EPHA7: variants seen among roughly 807,000 people sequenced by gnomAD.
The protein encoded by EPHA7 is ephrin type-A receptor 7.
EPHA7 carries 25 observed loss-of-function variants against 112.6 expected under a neutral mutation model. The ratio of observed to expected loss-of-function variants is 0.22; its 90% CI spans 0.16 to 0.31. The LOEUF is 0.31. Ranked by LOEUF, EPHA7 falls within the 10% of genes least tolerant of loss-of-function variation. EPHA7 has a pLI of 1.00. For synonymous variants in EPHA7, 437 were observed against 406.5 expected (o/e 1.07, Z -0.90); for missense variants, 962 against 1,212.6 (o/e 0.79, Z 3.07).
At chr6:93,352,567 A>C (rs1775746417) in intron 5 of EPHA7, among the ~76,000 whole-genome samples, 1 of 152,084 alleles carries the variant, frequency 6.6e-6, no homozygotes, top group Non-Finnish European at 1.5e-5. Flanking sequence ...ATGTTGTTCT[A>C]CAACATTATA....
intron 14 of EPHA7, among the ~76,000 whole-genome samples, chr6:93,248,712 C>T (rs1451791956): frequency 6.6e-6 from 1 of 150,514 alleles, no homozygotes; most frequent in Non-Finnish European, 1.5e-5. Flanking sequence ...CAACAAAAAA[C>T]GGAGTCTTGC....
At chr6:93,314,678 A>AC (rs1562090734) in intron 5 of EPHA7, among the ~76,000 whole-genome samples, 1 of 152,160 alleles carries the variant, frequency 6.6e-6, no homozygotes, top group Non-Finnish European at 1.5e-5. Context: ...TGTTTACTCA[A>AC]GAAAACTGAA....
At chr6:93,375,369 A>T (rs1285541720) in intron 3 of EPHA7, among the ~76,000 whole-genome samples, 3 of 152,084 alleles carry the variant, frequency 2.0e-5, no homozygotes, top group East Asian at 3.9e-4. Flanking sequence ...TAATCCCAGC[A>T]CTTTGGGAGG....
At chr6:93,339,221 T>C in intron 5 of EPHA7, among the ~76,000 whole-genome samples, 1 of 151,716 alleles carries the variant, frequency 6.6e-6, no homozygotes, top group Admixed American at 6.6e-5. Context: ...CATTAATTGG[T>C]AAAATTTTGC....
At chr6:93,405,811 GTGTATATATATATA>G (rs1158279766) in intron 3 of EPHA7, among the ~76,000 whole-genome samples, 103 of 58,946 alleles carry the variant, frequency 1.7e-3, no homozygotes, top group African/African-American at 9.1e-3. Flanking sequence ...GTGTGTGTGT[GTGTATATATATATA>G]TATATATATA....
rs79040289 is a variant in EPHA7 at position 93,368,422 on chromosome 6, G to A, written c.833-10011C>T. Among the ~76,000 whole-genome samples the A allele has an allele frequency of 2.0e-5, 3 of 152,136 alleles. No homozygotes were observed. In the East Asian group the frequency reaches 5.8e-4, roughly 29 times the overall value. On this transcript the variant is annotated intron_variant, in intron 3 of 16. Transcript: ENST00000369303. ...TGACCAATTTTATATATAAACTGGA[G>A]AGCTATCTGTGGCAGTTATTGGCTT...
intron 3 of EPHA7, among the ~76,000 whole-genome samples, chr6:93,404,833 G>A (rs1275611493): frequency 6.6e-6 from 1 of 151,372 alleles, no homozygotes; most frequent in Non-Finnish European, 1.5e-5. Context: ...AACTAAAAAC[G>A]AACAAAATCT....
At chr6:93,406,168 T>A (rs1182169107) in intron 3 of EPHA7, among the ~76,000 whole-genome samples, 5 of 151,468 alleles carry the variant, frequency 3.3e-5, no homozygotes, top group Admixed American at 3.3e-4. Flanking sequence ...CATGAAATCA[T>A]CTGAAAGAAA....
chr6:93,356,647 A>T, intron 5 of EPHA7, 70 bp downstream of exon 5: 1 of 1,364,340 alleles, frequency 7.3e-7, no homozygotes, highest in Non-Finnish European at 1.0e-6. Context: ...AACTAACTAA[A>T]TGTTCAAGTA....
At chr6:93,408,414 C>G (rs1340684378) in intron 3 of EPHA7, among the ~76,000 whole-genome samples, 1 of 151,926 alleles carries the variant, frequency 6.6e-6, no homozygotes, top group Admixed American at 6.6e-5. Context: ...CTCTACTTAC[C>G]CAGTGGAATA....
chr6:93,257,965 TTA>T, intron 11 of EPHA7, 132 bp downstream of exon 11: 1 of 808,176 alleles, frequency 1.2e-6, no homozygotes, highest in Non-Finnish European at 1.8e-6. Context: ...AATTTTTTGA[TTA>T]GTTACATACC....
chr6:93,318,798 A>T (rs1773929905), intron 5 of EPHA7, among the ~76,000 whole-genome samples: 1 of 152,082 alleles, frequency 6.6e-6, no homozygotes, highest in South Asian at 2.1e-4. Flanking sequence ...TTGTTTTCTC[A>T]ATTTTAAAGT....
chr6:93,287,962 G>A (rs1416850515), intron 5 of EPHA7, among the ~76,000 whole-genome samples: 1 of 152,138 alleles, frequency 6.6e-6, no homozygotes, highest in Non-Finnish European at 1.5e-5. Context: ...TTTGAAAATA[G>A]AATTCTTTAT....
chr6:93,293,783 C>T (rs530951557), intron 5 of EPHA7, among the ~76,000 whole-genome samples: 1 of 152,298 alleles, frequency 6.6e-6, no homozygotes, highest in Non-Finnish European at 1.5e-5. Flanking sequence ...TGTTTATGTT[C>T]TCTGGAAAAA....
intron 3 of EPHA7, among the ~76,000 whole-genome samples, chr6:93,406,310 A>T (rs2127991988): frequency 6.6e-6 from 1 of 151,814 alleles, no homozygotes; most frequent in Non-Finnish European, 1.5e-5. Flanking sequence ...AATGAGAAGA[A>T]TTTTTTACAA....
chr6:93,247,599 A>C (rs956702382), intron 14 of EPHA7, among the ~76,000 whole-genome samples: 3 of 152,156 alleles, frequency 2.0e-5, no homozygotes, highest in Non-Finnish European at 4.4e-5. Context: ...TTACACTGGC[A>C]GATTGAAATC....
intron 3 of EPHA7, among the ~76,000 whole-genome samples, chr6:93,384,424 G>A (rs1483977452): frequency 1.3e-5 from 2 of 152,088 alleles, no homozygotes; most frequent in African/African-American, 4.8e-5. Flanking sequence ...CCCTCCTTAA[G>A]AATTCTTGGC....
chr6:93,259,534 T>C, intron 9 of EPHA7, 55 bp from the exon 10 acceptor site: 1 of 1,599,750 alleles, frequency 6.3e-7, no homozygotes. Context: ...TATTGTGCAG[T>C]CAGCCCAGGA....
At chr6:93,306,676 C>T (rs1398795781) in intron 5 of EPHA7, among the ~76,000 whole-genome samples, 1 of 151,900 alleles carries the variant, frequency 6.6e-6, no homozygotes, top group Non-Finnish European at 1.5e-5. Flanking sequence ...AAACTAAATC[C>T]CATGTGCAGT....
Sources: allele counts gnomAD v4.1 joint callset (sites outside exome capture counted in the v4.1 genomes callset), GRCh38; gene constraint gnomAD v4.1.1; transcripts MANE v1.5; gene names NCBI Gene and HGNC (gene_info 2026-07-23, HGNC 2026-07-21).